The following LRIG2 variants were observed in gnomAD, a reference collection of about 807,000 sequenced individuals.
The protein encoded by LRIG2 is leucine-rich repeats and immunoglobulin-like domains protein 2.
In LRIG2, 93 loss-of-function variants were observed where a neutral mutation model predicts 107.8. The observed-to-expected ratio is 0.86, with a 90% CI of 0.73 to 1.03. LRIG2 has a LOEUF of 1.03. Ranked by LOEUF, LRIG2 falls within the 50% of genes least tolerant of loss-of-function variation. LRIG2 has a pLI of 0.00. For synonymous variants in LRIG2, 471 were observed against 470.6 expected, an observed-to-expected ratio of 1.00 and a Z score of -0.01; for missense variants, 1,226 against 1,296.0, an observed-to-expected ratio of 0.95 and a Z score of 0.83.
chr1:113,100,397 T>A, intron 10 of LRIG2, 23 bp from the exon 11 acceptor site: 1 of 1,465,772 alleles, frequency 6.8e-7, no homozygotes. Flanking sequence ...TGACTGATAA[T>A]GTTTCATTTC....
rs765398553 is a variant in LRIG2 at position 113,123,926 on chromosome 1, ATCC to A, written c.3028_3030del (p.Pro1010del). On this transcript the variant is annotated inframe_deletion, in exon 18 of 18. Coordinates refer to ENST00000361127, the MANE Select transcript of LRIG2 (RefSeq NM_014813.3). ...ATAAACAGAGAACTAGGCCTGCCTC[ATCC>A]TCCTTTTTCCCAGCAGCCAGTCCAT... 1 of 1,614,186 alleles carries A rather than the reference ATCC, an allele frequency of 6.2e-7. No individual in the cohort carries two copies. The highest frequency in any genetic ancestry group is 2.2e-5 in the East Asian group (1 of 44,886).
At chr1:113,086,841 T>C (rs1271842754) in intron 1 of LRIG2, among the ~76,000 whole-genome samples, 2 of 152,218 alleles carry the variant, frequency 1.3e-5, no homozygotes, top group African/African-American at 4.8e-5. Flanking sequence ...CCTTTACTCC[T>C]CTGTCATCAT....
chr1:113,075,072 CTGGGTGTGG>C (rs1418765932), intron 1 of LRIG2, among the ~76,000 whole-genome samples: 1 of 151,700 alleles, frequency 6.6e-6, no homozygotes, highest in Non-Finnish European at 1.5e-5. Context: ...GCAAAGTTAG[CTGGGTGTGG>C]TGGCGCGTGC....
intron 1 of LRIG2, among the ~76,000 whole-genome samples, chr1:113,079,507 AC>A (rs1653156119): frequency 1.3e-5 from 2 of 150,144 alleles, no homozygotes; most frequent in African/African-American, 4.9e-5. Context: ...AGATGGTGAA[AC>A]CCCATCTCTA....
intron 2 of LRIG2, among the ~76,000 whole-genome samples, chr1:113,091,991 C>G (rs1225300298): frequency 6.6e-6 from 1 of 152,090 alleles, no homozygotes; most frequent in Non-Finnish European, 1.5e-5. Flanking sequence ...CCATCAGAAC[C>G]CTGAGATTTA....
Position 113,093,464 on chromosome 1 carries a change from G to T in LRIG2, c.415G>T (p.Ala139Ser). ...HNIIPEINAQ[A>S]LQFYPALESL... is the part of the protein sequence containing the mutation. ...TATAATCCCAGAAATAAATGCACAG[G>T]CACTCCAGTTTTACCCTGCTCTGGA... The change falls in exon 4 of 18, where the codon GCA (alanine) becomes TCA (serine). Residue 139 changes from alanine to serine, a missense_variant. Coordinates refer to ENST00000361127, the MANE Select transcript of LRIG2 (RefSeq NM_014813.3). 6.2e-7 allele frequency: 1 copy of T among 1,613,408 alleles called. No homozygotes were observed. Among genetic ancestry groups the T allele is most frequent in the East Asian group, 2.2e-5 (1 of 44,848 alleles).
intron 12 of LRIG2, among the ~76,000 whole-genome samples, chr1:113,109,482 C>G (rs1464829930): frequency 6.6e-6 from 1 of 152,142 alleles, no homozygotes; most frequent in Non-Finnish European, 1.5e-5. Flanking sequence ...CATAATCCCC[C>G]CATTTTATAT....
intron 16 of LRIG2, among the ~76,000 whole-genome samples, chr1:113,118,427 G>C (rs1329302258): frequency 6.6e-6 from 1 of 152,160 alleles, no homozygotes; most frequent in East Asian, 1.9e-4. Context: ...TTAACCTCTT[G>C]ACTCATTAAA....
In LRIG2 at chr1:113,073,426, G is replaced by C. The variant is rs201038287; in HGVS notation, c.20G>C (p.Gly7Ala). Residue 7 changes from glycine (G) to alanine (A), a missense_variant, in exon 1 of 18, where the codon GGC becomes GCC. By Grantham distance (60) the Gly-to-Ala change is moderately conservative (BLOSUM62 0). Around this residue, in one of 3 missense-constraint regions of LRIG2, gnomAD observed 570 missense variants for 550.2 expected, o/e 1.04. Coordinates refer to ENST00000361127, the MANE Select transcript of LRIG2 (RefSeq NM_014813.3). ...GGGAAAATGGCGCCGGCGCCCCTAG[G>C]CGTCCCGGAGGAGCAGTTGCTGGGG... Reference protein sequence around the residue: MAPAPLGVPEEQLLGCR... With the variant: MAPAPLAVPEEQLLGCR... 203 of 1,614,040 alleles carry C rather than the reference G, an allele frequency of 1.3e-4. No homozygotes were observed. The East Asian group carries it at 3.4e-3, about 27-fold the overall frequency.
At chr1:113,082,660 A>G (rs1466126850) in intron 1 of LRIG2, among the ~76,000 whole-genome samples, 1 of 151,980 alleles carries the variant, frequency 6.6e-6, no homozygotes, top group Non-Finnish European at 1.5e-5. Context: ...TCTCTTATTT[A>G]TTTATTTATT....
At position 113,131,442 on chromosome 1, in the gene LRIG2, T is replaced by TA. The variant is rs2101083975; in HGVS notation, c.*7342dup. The TA allele has an allele frequency of 6.6e-6, 1 of 152,370 alleles. No homozygotes were observed. Among genetic ancestry groups the TA allele is most frequent in the Non-Finnish European group, 1.5e-5 (1 of 68,040 alleles). The allele number at this position is 152,370 out of a possible 1,614,324, so 9.4% of individuals were successfully genotyped here. A position where few individuals can be genotyped will look rare whatever the true frequency, so the allele number is the denominator to read the frequency against. ...CATTTTATGCCACATCCTCTTTTCT[T>TA]ACTTTGCTTCTTGATACAGATTATA... On this transcript the variant is annotated 3_prime_UTR_variant, in exon 18 of 18. Coordinates refer to ENST00000361127, the MANE Select transcript of LRIG2 (RefSeq NM_014813.3).
rs184621959 is a variant in LRIG2, at chr1:113,085,886, A to G, written c.240-5432A>G. On this transcript the variant is annotated intron_variant, in intron 1 of 17. Coordinates refer to ENST00000361127, the MANE Select transcript of LRIG2 (RefSeq NM_014813.3). ...GAAAGCCAACTTACAAGAGCAGACAATTTTCAGAGTTGTTTTAGAATTCTT... is the reference window on the plus strand; with the variant it reads ...GAAAGCCAACTTACAAGAGCAGACAGTTTTCAGAGTTGTTTTAGAATTCTT... Among the ~76,000 whole-genome samples the G allele has an allele frequency of 3.9e-5, 6 of 152,032 alleles. No individual in the cohort carries two copies. In the East Asian group the frequency reaches 9.7e-4, roughly 24 times the overall value.
chr1:113,081,957 A>T (rs763518490), intron 1 of LRIG2, among the ~76,000 whole-genome samples: 1 of 152,232 alleles, frequency 6.6e-6, no homozygotes, highest in Non-Finnish European at 1.5e-5. Context: ...AAACACTTTA[A>T]CTGGATATTA....
chr1:113,088,216 G>A (rs1056261952), intron 1 of LRIG2, among the ~76,000 whole-genome samples: 4 of 152,128 alleles, frequency 2.6e-5, no homozygotes, highest in Admixed American at 6.6e-5. Flanking sequence ...TATAATGGCT[G>A]TTTGAAAGCA....
rs146108587 is a variant in LRIG2 at position 113,119,312 on chromosome 1, A to G, written c.2760A>G (p.Pro920=). 1.9e-6 allele frequency: 3 copies of G among 1,614,000 alleles called. No individual in the cohort carries two copies. Among genetic ancestry groups the G allele is most frequent in the African/African-American group, 2.7e-5 (2 of 74,912 alleles). ...NIYSRTREYC[P]YTYIAEEDVL... ...ACTCCAGGACCCGAGAATACTGTCC[A>G]TACACCTATATTGCTGAGGAGGACG... is the stretch of plus-strand genomic sequence containing the variant. Residue 920 remains proline, a synonymous_variant, in exon 17 of 18, where the codon CCA becomes CCG. Coordinates refer to ENST00000361127, the MANE Select transcript of LRIG2 (RefSeq NM_014813.3).
In LRIG2 at chr1:113,073,528, GT is replaced by G. The variant is rs780414217; in HGVS notation, c.123del (p.Leu42SerfsTer61). 21 of 1,613,948 alleles carry G rather than the reference GT, an allele frequency of 1.3e-5. No homozygotes were observed. The highest frequency in any genetic ancestry group is 1.8e-5 in the Non-Finnish European group (21 of 1,179,944). On this transcript the variant is annotated frameshift_variant, in exon 1 of 18. Transcript: ENST00000361127. LOFTEE classifies it high-confidence loss of function. ...CTCCTGTTGCCCGCCGCCGGAGCAGGTCTCTGCCCCGCGCCCTGCTCCTGCC... is the reference window on the plus strand; with the variant it reads ...CTCCTGTTGCCCGCCGCCGGAGCAGGCTCTGCCCCGCGCCCTGCTCCTGCC... Reference protein sequence around the residue: ...ALLLLPAAGAGLCPAPCSCRI... With the variant: ...ALLLLPAAGAXLCPAPCSCRI...
Position 113,073,403 on chromosome 1 carries a change from G to GA in LRIG2, c.1dup. ...TCTAGGCCACGTCCAGGTCGAGGGG[G>GA]AAAATGGCGCCGGCGCCCCTAGGCG... On this transcript the variant is annotated 5_prime_UTR_variant, in exon 1 of 18. Coordinates refer to ENST00000361127, the MANE Select transcript of LRIG2 (RefSeq NM_014813.3). 6.2e-7 allele frequency: 1 copy of GA among 1,612,784 alleles called. No individual in the cohort carries two copies. Among genetic ancestry groups the GA allele is most frequent in the East Asian group, 2.2e-5 (1 of 44,868 alleles).
intron 1 of LRIG2, among the ~76,000 whole-genome samples, chr1:113,082,080 CT>C (rs1296241243): frequency 6.6e-6 from 1 of 152,180 alleles, no homozygotes; most frequent in Non-Finnish European, 1.5e-5. Flanking sequence ...TACTTTGCCC[CT>C]GGCTTGCATG....
intron 16 of LRIG2, 59 bp from the exon 17 acceptor site, chr1:113,119,174 G>A (rs1026197670): frequency 1.4e-5 from 22 of 1,526,608 alleles, no homozygotes; most frequent in Non-Finnish European, 1.7e-5. Context: ...GAAAACTGAC[G>A]ATTGGCAAAA....
Sources: gnomAD v4.1 joint callset for allele counts (sites outside exome capture counted in the v4.1 genomes callset) on GRCh38, gnomAD v4.1.1 for gene constraint, gnomAD v4.1.1 regional missense constraint, MANE v1.5 for transcripts, NCBI Gene and HGNC (gene_info 2026-07-23, HGNC 2026-07-21) for gene names.